Variants in MYO18B observed in about 807,000 individuals in gnomAD.
MYO18B encodes myosin XVIIIB.
Under a neutral mutation model 273.0 loss-of-function variants are expected in MYO18B, and 204 were observed. The ratio of observed to expected loss-of-function variants is 0.75; its 90% CI spans 0.67 to 0.84. The LOEUF (loss-of-function observed/expected upper bound fraction) is 0.84, where lower values mean the gene tolerates loss of function less well. Among genes scored for constraint, MYO18B ranks in the 40% least tolerant of loss-of-function variants. The pLI is 0.00. For missense variants in MYO18B, 3,212 were observed against 3,287.6 expected (o/e 0.98, Z 0.56); for synonymous variants, 1,330 against 1,305.7 (o/e 1.02, Z -0.40).
downstream of MYO18B, among the ~76,000 whole-genome samples, chr22:26,032,237 T>C (rs1936683090): frequency 6.6e-6 from 1 of 152,214 alleles, no homozygotes; most frequent in African/African-American, 2.4e-5. Context: ...CTAGAGATGC[T>C]GTAACAAAAT....
chr22:25,770,261 A>C, intron 5 of MYO18B, 85 bp downstream of exon 5: 1 of 1,394,782 alleles, frequency 7.2e-7, no homozygotes, highest in Non-Finnish European at 1.0e-6. Context: ...CCAGGTCCTG[A>C]TTATACTTTG....
intron 12 of MYO18B, among the ~76,000 whole-genome samples, chr22:25,799,160 T>TGTGTGTGTGTGC (rs908649603): frequency 6.6e-6 from 1 of 151,512 alleles, no homozygotes; most frequent in African/African-American, 2.4e-5. Flanking sequence ...TGTGTGTGTG[T>TGTGTGTGTGTGC]GCTTGGATAG....
Position 25,955,307 on chromosome 22 carries a change from C to G in MYO18B, c.6099C>G (p.Ala2033=), listed in dbSNP as rs369440760. ...YYQRRLEELK[A]DMEELVQREA... Reference sequence around the variant, plus strand: ...AGCGGCGCCTGGAAGAGCTGAAGGCCGACATGGAAGAGCTGGTGCAGCGGG... The same window carrying G: ...AGCGGCGCCTGGAAGAGCTGAAGGCGGACATGGAAGAGCTGGTGCAGCGGG... Residue 2033 remains alanine (A), a synonymous_variant, in exon 39 of 44, where the codon GCC becomes GCG. Coordinates refer to ENST00000335473, the MANE Select transcript of MYO18B (RefSeq NM_032608.7). 4.3e-6 allele frequency: 7 copies of G among 1,613,650 alleles called. No individual in the cohort carries two copies. The highest frequency in any genetic ancestry group is 4.0e-5 in the African/African-American group (3 of 74,872).
Position 25,910,868 on chromosome 22 carries a change from C to T in MYO18B, c.5260-78C>T, listed in dbSNP as rs1388945251. ...CACAAGCTCTACATTCCTCCGCCTT[C>T]TGAGGGTCCTTGCCTTGTAGGATGT... On this transcript the variant is annotated intron_variant, in intron 32 of 43. Coordinates refer to ENST00000335473, the MANE Select transcript of MYO18B (RefSeq NM_032608.7). 4 of 1,169,590 alleles carry T rather than the reference C, an allele frequency of 3.4e-6. No individual in the cohort carries two copies. In the East Asian group the frequency reaches 1.0e-4, roughly 30 times the overall value. 72.5% of individuals were successfully genotyped at this position (1,169,590 alleles called of 1,614,324 possible).
intron 34 of MYO18B, among the ~76,000 whole-genome samples, chr22:25,937,688 C>T (rs192922801): frequency 1.6e-3 from 249 of 151,582 alleles, no homozygotes; most frequent in African/African-American, 5.8e-3. Flanking sequence ...CAGGTTCAAG[C>T]GATTCTCCTG....
chr22:25,915,650 A>G (rs1386786356), intron 33 of MYO18B, among the ~76,000 whole-genome samples: 1 of 152,180 alleles, frequency 6.6e-6, no homozygotes, highest in Admixed American at 6.5e-5. Context: ...ATTGAATATT[A>G]TATGTTTTTT....
chr22:25,762,609 C>T (rs2086362300), intron 2 of MYO18B, among the ~76,000 whole-genome samples: 1 of 152,266 alleles, frequency 6.6e-6, no homozygotes. Context: ...CCTGCCTGTT[C>T]TAGGACCCAG....
chr22:25,863,244 A>G (rs2090791488), intron 21 of MYO18B, among the ~76,000 whole-genome samples: 3 of 152,164 alleles, frequency 2.0e-5, no homozygotes. Flanking sequence ...TAATTCATTA[A>G]GCATTGTTTC....
intron 14 of MYO18B, among the ~76,000 whole-genome samples, chr22:25,827,624 C>T (rs1055561752): frequency 3.3e-5 from 5 of 152,178 alleles, no homozygotes; most frequent in African/African-American, 7.2e-5. Flanking sequence ...ACAGAGCAGC[C>T]GGGTTTCTCC....
At chr22:25,813,290 T>C (rs911507262) in intron 12 of MYO18B, among the ~76,000 whole-genome samples, 6 of 151,786 alleles carry the variant, frequency 4.0e-5, no homozygotes, top group African/African-American at 1.5e-4. Flanking sequence ...GTTCAAGCGA[T>C]TCTCCTGCCT....
At chr22:25,876,558 A>C (rs548454496) in intron 24 of MYO18B, among the ~76,000 whole-genome samples, 2 of 152,194 alleles carry the variant, frequency 1.3e-5, no homozygotes, top group South Asian at 4.2e-4. Context: ...TAGAGATGCT[A>C]TTACCACCCT....
At chr22:25,882,122 C>A (rs2091354325) in intron 25 of MYO18B, among the ~76,000 whole-genome samples, 2 of 152,054 alleles carry the variant, frequency 1.3e-5, no homozygotes, top group African/African-American at 4.8e-5. Flanking sequence ...TTGTTGTTTC[C>A]CCTCACAGGA....
At chr22:25,835,230 GAGA>G in intron 16 of MYO18B, 63 bp from the exon 17 acceptor site, 1 of 1,535,602 alleles carries the variant, frequency 6.5e-7, no homozygotes, top group Non-Finnish European at 8.7e-7. Flanking sequence ...TCGGTGGGAA[GAGA>G]AGCCCAAGAC....
rs529814200 is a variant in MYO18B at position 25,768,855 on chromosome 22, C to G, written c.939C>G (p.Ile313Met). 5 of 1,612,842 alleles carry G rather than the reference C, an allele frequency of 3.1e-6. No homozygotes were observed. The highest frequency in any genetic ancestry group is 4.2e-6 in the Non-Finnish European group (5 of 1,179,450). The change falls in exon 4 of 44, where the codon ATC becomes ATG. Residue 313 changes from isoleucine (I) to methionine (M), a missense_variant. Ile to Met is a conservative substitution (Grantham distance 10). Coordinates refer to ENST00000335473, the MANE Select transcript of MYO18B (RefSeq NM_032608.7). Reference protein sequence around the residue: ...GSEGKHVRPQIPGRKWGGFLG... With the variant: ...GSEGKHVRPQMPGRKWGGFLG... ...AAGGGAAGCACGTAAGGCCCCAAAT[C>G]CCTGGGAGAAAGTGGGGAGGTTTCC...
chr22:25,974,649 A>G (rs758436720), intron 39 of MYO18B, among the ~76,000 whole-genome samples: 16 of 152,174 alleles, frequency 1.1e-4, no homozygotes, highest in Non-Finnish European at 1.6e-4. Context: ...TGCTCCAATA[A>G]AACTTGATTT....
chr22:25,984,778 AAG>A (rs920948069), intron 39 of MYO18B, among the ~76,000 whole-genome samples: 3 of 151,630 alleles, frequency 2.0e-5, no homozygotes, highest in Non-Finnish European at 4.4e-5. Context: ...CAGTCTGGGC[AAG>A]AGAGTGAGAC....
At chr22:25,794,517 T>G (rs1461249857) in intron 11 of MYO18B, among the ~76,000 whole-genome samples, 1 of 149,098 alleles carries the variant, frequency 6.7e-6, no homozygotes, top group Non-Finnish European at 1.5e-5. Flanking sequence ...ATTTATTTAT[T>G]TTTTTGAGAT....
chr22:25,839,964 C>A (rs2145977243), intron 17 of MYO18B, among the ~76,000 whole-genome samples: 1 of 152,268 alleles, frequency 6.6e-6, no homozygotes, highest in African/African-American at 2.4e-5. Flanking sequence ...ATTTCCACCT[C>A]CCCCTCCTTC....
intron 34 of MYO18B, among the ~76,000 whole-genome samples, chr22:25,943,600 C>T (rs2092669810): frequency 6.6e-6 from 1 of 152,164 alleles, no homozygotes; most frequent in African/African-American, 2.4e-5. Flanking sequence ...TTCTGTTCCT[C>T]AGCACCACCG....
Sources: gnomAD v4.1 joint callset for allele counts (sites outside exome capture counted in the v4.1 genomes callset) on GRCh38, gnomAD v4.1.1 for gene constraint, MANE v1.5 for transcripts, NCBI Gene and HGNC (gene_info 2026-07-23, HGNC 2026-07-21) for gene names.